Variants in PTPN2 observed in about 807,000 individuals in gnomAD.
PTPN2 encodes the protein tyrosine-protein phosphatase non-receptor type 2.
PTPN2 carries 19 observed loss-of-function variants against 57.3 expected under a neutral mutation model. The observed-to-expected ratio is 0.33, with a 90% CI of 0.23 to 0.49. The LOEUF is 0.49. PTPN2 is among the 20% of genes least tolerant of loss of function. The pLI, the probability that PTPN2 is intolerant of heterozygous loss-of-function variation, is 0.99. For missense variants in PTPN2, 358 were observed against 501.1 expected (o/e 0.71, Z 2.73); for synonymous variants, 153 against 164.9 (o/e 0.93, Z 0.55).
Position 12,805,634 on chromosome 18 carries a change from CCTTT to C in PTPN2, c.859-3487_859-3484del, listed in dbSNP as rs777149300. 3.0e-3 allele frequency among the ~76,000 whole-genome samples: 383 copies of C among 128,000 alleles called. 5 individuals carry two copies. Among genetic ancestry groups the C allele is most frequent in the African/African-American group, 8.9e-3 (351 of 39,226 alleles). The allele number at this position is 128,000 out of a possible 152,430, so 84.0% of individuals were successfully genotyped here. On this transcript the variant is annotated intron_variant, in intron 7 of 8. Coordinates refer to ENST00000309660, the MANE Select transcript of PTPN2 (RefSeq NM_002828.4). ...GATCTGGAACAAGACAAAGATGCCT[CCTTT>C]CTTTTTTTTTTTTTTTTTTGAGATG... is the stretch of plus-strand genomic sequence containing the variant.
chr18:12,851,021 T>C (rs2043377159), intron 2 of PTPN2, among the ~76,000 whole-genome samples: 3 of 152,082 alleles, frequency 2.0e-5, no homozygotes, highest in African/African-American at 2.4e-5. Flanking sequence ...ATTACAGGCG[T>C]GAGCCACAGC....
intron 2 of PTPN2, among the ~76,000 whole-genome samples, chr18:12,849,738 C>T (rs935292315): frequency 1.3e-5 from 2 of 151,946 alleles, no homozygotes; most frequent in East Asian, 1.9e-4. Context: ...TGAAACATAC[C>T]GGTAAAACCA....
intron 3 of PTPN2, among the ~76,000 whole-genome samples, chr18:12,835,915 T>C (rs2042847880): frequency 6.6e-6 from 1 of 152,208 alleles, no homozygotes; most frequent in Non-Finnish European, 1.5e-5. Context: ...TTTTTCTTTT[T>C]GACTTGCAGG....
intron 1 of PTPN2, 126 bp downstream of exon 1, chr18:12,883,947 C>T (rs2044763078): frequency 1.3e-6 from 1 of 755,732 alleles, no homozygotes; most frequent in African/African-American, 1.9e-5. Flanking sequence ...CGGACCGCGC[C>T]GCCACTTCCG....
intron 2 of PTPN2, among the ~76,000 whole-genome samples, chr18:12,858,886 C>G (rs2043690810): frequency 1.3e-5 from 2 of 152,136 alleles, no homozygotes; most frequent in South Asian, 2.1e-4. Context: ...TCTATAATTA[C>G]AATTATTTTA....
chr18:12,854,936 A>G (rs953640622), intron 2 of PTPN2, among the ~76,000 whole-genome samples: 1 of 152,168 alleles, frequency 6.6e-6, no homozygotes, highest in African/African-American at 2.4e-5. Flanking sequence ...CAATCACTTG[A>G]GATCAGGAGT....
Position 12,817,378 on chromosome 18 carries a change from A to T in PTPN2, c.496-13T>A. On this transcript the variant is annotated splice_polypyrimidine_tract_variant and intron_variant, in intron 5 of 8. Coordinates refer to ENST00000309660, the MANE Select transcript of PTPN2 (RefSeq NM_002828.4). The stretch of plus-strand genomic sequence containing the variant: ...TGGTTTCACCACTCTAAAAAGTGAA[A>T]ATCAAGGGAGAAGTTAGTTCTAACT... 6.3e-7 allele frequency: 1 copy of T among 1,599,124 alleles called. No homozygotes were observed. Among genetic ancestry groups the T allele is most frequent in the Non-Finnish European group, 8.6e-7 (1 of 1,167,672 alleles).
At chr18:12,796,772 T>C (rs997341631) in intron 8 of PTPN2, among the ~76,000 whole-genome samples, 1 of 152,232 alleles carries the variant, frequency 6.6e-6, no homozygotes, top group African/African-American at 2.4e-5. Context: ...CCTTCTCTCC[T>C]GTCCTCTCAT....
chr18:12,876,316 A>AGAAGAAGAAGAAGAAGAAG (rs1568177300), intron 1 of PTPN2, among the ~76,000 whole-genome samples: 1 of 149,222 alleles, frequency 6.7e-6, no homozygotes, highest in Non-Finnish European at 1.5e-5. Flanking sequence ...AAGAAGAAGA[A>AGAAGAAGAAGAAGAAGAAG]ATTTGTCAGG....
At chr18:12,829,564 A>G (rs940661834) in intron 4 of PTPN2, among the ~76,000 whole-genome samples, 2 of 151,856 alleles carry the variant, frequency 1.3e-5, no homozygotes, top group South Asian at 2.1e-4. Context: ...CTGCTAGCCA[A>G]TGACAGGGTA....
At chr18:12,800,080 C>T (rs1455524298) in intron 8 of PTPN2, among the ~76,000 whole-genome samples, 16 of 152,138 alleles carry the variant, frequency 1.1e-4, no homozygotes, top group Admixed American at 1.0e-3. Context: ...AAAACACCGC[C>T]ACCACATGCG....
chr18:12,865,058 A>G (rs2043944248), intron 1 of PTPN2, among the ~76,000 whole-genome samples: 1 of 152,186 alleles, frequency 6.6e-6, no homozygotes, highest in African/African-American at 2.4e-5. Flanking sequence ...TTTCATTGCA[A>G]CAAGCCTTTC....
Position 12,792,284 on chromosome 18 carries a change from T to G in PTPN2, c.*1994A>C. On this transcript the variant is annotated 3_prime_UTR_variant, in exon 9 of 9. Transcript: ENST00000309660. The stretch of plus-strand genomic sequence containing the variant: ...TATCTATACCAATGGTTTTCAAACT[T>G]TTTTTTTTTTTTTTTTTGAGACGAA... The G allele has an allele frequency of 2.3e-6, 1 of 434,402 alleles. No homozygotes were observed. 26.9% of individuals were successfully genotyped at this position (434,402 alleles called of 1,614,324 possible).
chr18:12,830,803 C>T (rs548819399), intron 4 of PTPN2, 140 bp downstream of exon 4: 19 of 539,138 alleles, frequency 3.5e-5, no homozygotes, highest in African/African-American at 7.6e-5. Flanking sequence ...TGAGTTTTTC[C>T]GGACAGAAAC....
Position 12,831,050 on chromosome 18 carries a change from A to C in PTPN2, c.262-9T>G. On this transcript the variant is annotated splice_polypyrimidine_tract_variant and intron_variant, in intron 3 of 8. Transcript: ENST00000309660. ...GTGTTAGGAAGTGGACCCTGTGAAG[A>C]GAGAGGAGAGAGAGCAGATGAGGGA... 6.4e-7 allele frequency: 1 copy of C among 1,558,220 alleles called. No individual in the cohort carries two copies. Among genetic ancestry groups the C allele is most frequent in the Non-Finnish European group, 8.8e-7 (1 of 1,130,280 alleles).
At chr18:12,856,951 T>C (rs1481956250) in intron 2 of PTPN2, among the ~76,000 whole-genome samples, 1 of 150,088 alleles carries the variant, frequency 6.7e-6, no homozygotes, top group Non-Finnish European at 1.5e-5. Flanking sequence ...TCCCAGCTAC[T>C]TGGGAGGCTG....
chr18:12,795,305 G>C (rs2041130993), intron 8 of PTPN2, among the ~76,000 whole-genome samples: 1 of 152,094 alleles, frequency 6.6e-6, no homozygotes, highest in Non-Finnish European at 1.5e-5. Flanking sequence ...TGGTGGGGGA[G>C]GCGGGGTGGA....
In PTPN2 at chr18:12,874,619, G is replaced by A. The variant is rs1262618910; in HGVS notation, c.69+9454C>T. Reference sequence around the variant, plus strand: ...AGCCCCCCGCCCGGCCAGCCGCCCCGTCCGGGAGGGAGGTGGGGGGGTCAG... The same window carrying A: ...AGCCCCCCGCCCGGCCAGCCGCCCCATCCGGGAGGGAGGTGGGGGGGTCAG... On this transcript the variant is annotated intron_variant, in intron 1 of 8. Coordinates refer to ENST00000309660, the MANE Select transcript of PTPN2 (RefSeq NM_002828.4). Among the ~76,000 whole-genome samples the A allele has an allele frequency of 8.8e-5, 11 of 125,532 alleles. No individual in the cohort carries two copies. In the South Asian group the frequency reaches 1.4e-3, roughly 16 times the overall value. 82.4% of individuals were successfully genotyped at this position (125,532 alleles called of 152,430 possible).
At chr18:12,839,108 T>A (rs1339267250) in intron 2 of PTPN2, among the ~76,000 whole-genome samples, 2 of 152,166 alleles carry the variant, frequency 1.3e-5, no homozygotes, top group Non-Finnish European at 2.9e-5. Context: ...AGATTGTGAA[T>A]ATACACATTT....
Sources: allele counts gnomAD v4.1 joint callset (sites outside exome capture counted in the v4.1 genomes callset), GRCh38; gene constraint gnomAD v4.1.1; transcripts MANE v1.5; gene names NCBI Gene and HGNC (gene_info 2026-07-23, HGNC 2026-07-21).